The following KY variants were observed in gnomAD, a reference collection of about 807,000 sequenced individuals.
KY encodes kyphoscoliosis peptidase.
In KY, 43 loss-of-function variants were observed where a neutral mutation model predicts 76.1. That is an observed-to-expected ratio of 0.57 (90% confidence interval 0.44 to 0.73). The LOEUF (loss-of-function observed/expected upper bound fraction) is 0.73. Among genes scored for constraint, KY ranks in the 30% least tolerant of loss-of-function variants. The pLI is 0.00. For synonymous variants in KY, 277 were observed against 326.2 expected (o/e 0.85, Z 1.63); for missense variants, 722 against 828.9 (o/e 0.87, Z 1.58).
intron 4 of KY, among the ~76,000 whole-genome samples, chr3:134,628,467 G>A (rs1221317556): frequency 1.3e-5 from 2 of 152,158 alleles, no homozygotes; most frequent in East Asian, 1.9e-4. Context: ...GGGATGCCAA[G>A]GCAGGTAGTT....
In KY at chr3:134,608,953, G is replaced by A. The variant is rs142070965; in HGVS notation, c.900-114C>T. On this transcript the variant is annotated intron_variant, in intron 9 of 10. Coordinates refer to ENST00000423778, the MANE Select transcript of KY (RefSeq NM_178554.6). ...CTGGATGGGAAGAGGCACCATCTCC[G>A]ACCCTAACATGGGCACTGGAGACTC... is the stretch of plus-strand genomic sequence containing the variant. The A allele has an allele frequency of 5.7e-6, 7 of 1,233,354 alleles. No individual in the cohort carries two copies. In the South Asian group the frequency reaches 6.2e-5, roughly 11 times the overall value. 76.4% of individuals were successfully genotyped at this position (1,233,354 alleles called of 1,614,324 possible).
intron 4 of KY, 142 bp from the exon 5 acceptor site, chr3:134,627,960 T>G (rs1437570533): frequency 1.3e-5 from 9 of 670,428 alleles, no homozygotes; most frequent in Admixed American, 6.9e-5. Context: ...CCCACCCCAC[T>G]GACCACTGAA....
chr3:134,614,513 C>A (rs1265257394), intron 8 of KY, among the ~76,000 whole-genome samples: 8 of 151,968 alleles, frequency 5.3e-5, no homozygotes, highest in Admixed American at 5.2e-4. Flanking sequence ...ATCAGAGAAG[C>A]CCCAAGGGCT....
At chr3:134,635,821 C>T (rs1048176644) in intron 3 of KY, among the ~76,000 whole-genome samples, 8 of 152,156 alleles carry the variant, frequency 5.3e-5, no homozygotes, top group Admixed American at 3.9e-4. Context: ...TGATACAGAA[C>T]GATATAAAGC....
intron 6 of KY, 129 bp downstream of exon 6, chr3:134,624,924 A>T: frequency 1.3e-6 from 1 of 780,988 alleles, no homozygotes; most frequent in South Asian, 1.6e-5. Context: ...TGCTATGAAA[A>T]GGCATTCCAG....
rs759317294 is a variant in KY, at chr3:134,647,456, A to C, written c.178T>G (p.Leu60Val). 1 of 1,612,154 alleles carries C rather than the reference A, an allele frequency of 6.2e-7. No homozygotes were observed. The highest frequency in any genetic ancestry group is 1.1e-5 in the South Asian group (1 of 90,746). ...VGNGVRRWQK[L>V]EGNDFHENLV... ...TTACCGTGAAAGTCATTTCCTTCTA[A>C]TTTCTGCCATCTTCGGACTCCATTT... Residue 60 changes from leucine to valine, a missense_variant, in exon 2 of 11, where the codon TTA (leucine) becomes GTA (valine). Physicochemically the swap from Leu to Val is conservative, Grantham distance 32 (BLOSUM62 1). Coordinates refer to ENST00000423778, the MANE Select transcript of KY (RefSeq NM_178554.6).
intron 3 of KY, among the ~76,000 whole-genome samples, chr3:134,631,020 G>A (rs984632567): frequency 3.3e-5 from 5 of 152,214 alleles, no homozygotes; most frequent in African/African-American, 1.2e-4. Context: ...CAGAGAACTT[G>A]AAGATAGATC....
intron 9 of KY, 53 bp from the exon 10 acceptor site, chr3:134,608,892 G>A: frequency 6.4e-7 from 1 of 1,557,822 alleles, no homozygotes; most frequent in Non-Finnish European, 8.7e-7. Context: ...GGAGGCAGGG[G>A]CCCAATACAC....
chr3:134,636,753 A>G (rs1238836338), intron 3 of KY, among the ~76,000 whole-genome samples: 1 of 152,238 alleles, frequency 6.6e-6, no homozygotes, highest in Non-Finnish European at 1.5e-5. Context: ...AAAATAGATC[A>G]CATATTCACT....
In KY at chr3:134,603,307, A is replaced by C. The variant is rs368520146; in HGVS notation, c.*272T>G. On this transcript the variant is annotated 3_prime_UTR_variant, in exon 11 of 11. Coordinates refer to ENST00000423778, the MANE Select transcript of KY (RefSeq NM_178554.6). The stretch of plus-strand genomic sequence containing the variant: ...AATACGAGAAGGGGCATCTGGATGC[A>C]GGTGTACAGTTTACAATACCTTAGA... 5.9e-6 allele frequency: 2 copies of C among 339,932 alleles called. No homozygotes were observed. The highest frequency in any genetic ancestry group is 1.0e-4 in the South Asian group (1 of 9,826). The allele number at this position is 339,932 out of a possible 1,614,324, so 21.1% of individuals were successfully genotyped here. A position where few individuals can be genotyped will look rare whatever the true frequency, so the allele number is the denominator to read the frequency against.
At chr3:134,641,001 G>C (rs1472437414) in intron 3 of KY, among the ~76,000 whole-genome samples, 2 of 152,090 alleles carry the variant, frequency 1.3e-5, no homozygotes, top group Admixed American at 1.3e-4. Flanking sequence ...TGGCTCTTCT[G>C]CTACCCCCAC....
In KY at chr3:134,604,485, A is replaced by G. The variant is rs1448546105; in HGVS notation, c.1091-11T>C. ...TGGCCTTCCCATTCACTGAGGAGAG[A>G]AAGTCAGGGTCAGCAGAGATGGGTC... On this transcript the variant is annotated splice_polypyrimidine_tract_variant and intron_variant, in intron 10 of 10. Coordinates refer to ENST00000423778, the MANE Select transcript of KY (RefSeq NM_178554.6). 2 of 1,594,948 alleles carry G rather than the reference A, an allele frequency of 1.3e-6. No individual in the cohort carries two copies. Among genetic ancestry groups the G allele is most frequent in the Non-Finnish European group, 1.7e-6 (2 of 1,168,704 alleles).
rs368754985 is a variant in KY at position 134,621,224 on chromosome 3, C to G, written c.484-367G>C. 3.9e-5 allele frequency among the ~76,000 whole-genome samples: 6 copies of G among 152,272 alleles called. No homozygotes were observed. In the South Asian group the frequency reaches 1.2e-3, roughly 32 times the overall value. ...TTGTGCTGAAATGGAAAAGTCAGTT[C>G]TCAAATTCCTATAAATTCCAAGGGG... is the stretch of plus-strand genomic sequence containing the variant. On this transcript the variant is annotated intron_variant, in intron 6 of 10. Transcript: ENST00000423778.
intron 6 of KY, among the ~76,000 whole-genome samples, chr3:134,623,194 G>A (rs1368421259): frequency 6.6e-6 from 1 of 152,130 alleles, no homozygotes; most frequent in African/African-American, 2.4e-5. Flanking sequence ...GCTTGCTCTG[G>A]CCACTCCCTG....
intron 3 of KY, among the ~76,000 whole-genome samples, chr3:134,639,330 A>G (rs1965417223): frequency 6.6e-6 from 1 of 152,160 alleles, no homozygotes; most frequent in African/African-American, 2.4e-5. Context: ...ACACAGCATG[A>G]AAACCCCACT....
chr3:134,647,173 C>T (rs532387696), intron 2 of KY, among the ~76,000 whole-genome samples: 22 of 152,332 alleles, frequency 1.4e-4, no homozygotes, highest in South Asian at 4.1e-4. Context: ...TCCTCCCCTA[C>T]GGCTCAGCCA....
intron 1 of KY, among the ~76,000 whole-genome samples, chr3:134,649,249 C>T (rs998264289): frequency 2.0e-5 from 3 of 152,192 alleles, no homozygotes; most frequent in Non-Finnish European, 4.4e-5. Flanking sequence ...GTCATAGTCA[C>T]TAGTGTGCAT....
At chr3:134,637,215 C>A (rs2107961151) in intron 3 of KY, among the ~76,000 whole-genome samples, 1 of 152,326 alleles carries the variant, frequency 6.6e-6, no homozygotes, top group East Asian at 1.9e-4. Context: ...TTAAGCATTT[C>A]AGAGTTCAAG....
In KY at chr3:134,650,830, C is replaced by G. The variant is rs781734409; in HGVS notation, c.131G>C (p.Gly44Ala). ...QANPSSLLQR[G>A]GGFQGVGNGV... ...CCGGGTCGGGCGCGCGTTACCTCCT[C>G]CGCGCTGCAGCAGCGAGCTCGGGTT... Residue 44 changes from glycine to alanine, a missense_variant, in exon 1 of 11, where the codon GGA (glycine) becomes GCA (alanine). By Grantham distance (60) the Gly-to-Ala change is moderately conservative (BLOSUM62 0). This residue lies in a region of KY where 170 missense variants were observed against 148.1 expected (regional missense o/e 1.15). Coordinates refer to ENST00000423778, the MANE Select transcript of KY (RefSeq NM_178554.6). The G allele has an allele frequency of 6.9e-6, 11 of 1,593,828 alleles. No homozygotes were observed. The highest frequency in any genetic ancestry group is 9.4e-6 in the Non-Finnish European group (11 of 1,168,376).
Sources: allele counts gnomAD v4.1 joint callset (sites outside exome capture counted in the v4.1 genomes callset), GRCh38; gene constraint gnomAD v4.1.1; regional missense constraint gnomAD v4.1.1; transcripts MANE v1.5; gene names NCBI Gene and HGNC (gene_info 2026-07-23, HGNC 2026-07-21).